GAD1: variants seen among roughly 807,000 people sequenced by gnomAD.
GAD1 encodes the protein 67 kDa glutamic acid decarboxylase.
Under a neutral mutation model 75.2 loss-of-function variants are expected in GAD1, and 35 were observed. The ratio of observed to expected loss-of-function variants is 0.47; its 90% confidence interval spans 0.36 to 0.62. The LOEUF is 0.62. Ranked by LOEUF, GAD1 falls within the 20% of genes least tolerant of loss-of-function variation. The probability of loss-of-function intolerance (pLI) is 0.00; values close to 1 mark genes in which losing one functional copy is unlikely to be tolerated. For missense variants in GAD1, 490 were observed against 758.5 expected (o/e 0.65, Z 4.16); for synonymous variants, 257 against 271.9 (o/e 0.95, Z 0.54).
upstream of GAD1, among the ~76,000 whole-genome samples, chr2:170,813,968 A>C (rs1205188664): frequency 6.6e-6 from 1 of 152,110 alleles, no homozygotes; most frequent in East Asian, 1.9e-4. Flanking sequence ...AAAGCGCTTC[A>C]AATACAATCG....
chr2:170,851,294 A>G (rs1702739468), intron 12 of GAD1, among the ~76,000 whole-genome samples: 1 of 152,198 alleles, frequency 6.6e-6, no homozygotes, highest in Non-Finnish European at 1.5e-5. Context: ...ACCTAAATAT[A>G]ATTTTTTAAT....
chr2:170,837,129 C>T (rs769411), intron 6 of GAD1, among the ~76,000 whole-genome samples: 1 of 152,102 alleles, frequency 6.6e-6, no homozygotes, highest in Non-Finnish European at 1.5e-5. Context: ...AAAATGTAGT[C>T]TTGAAATTTC....
At chr2:170,846,118 C>G in intron 10 of GAD1, 55 bp downstream of exon 10, 1 of 1,407,788 alleles carries the variant, frequency 7.1e-7, no homozygotes, top group Non-Finnish European at 1.0e-6. Context: ...TCTTTCTGTC[C>G]TAGACAAAAA....
At chr2:170,821,787 C>A (rs1363642765) in intron 2 of GAD1, 2 of 462,772 alleles carry the variant, frequency 4.3e-6, no homozygotes, top group Non-Finnish European at 4.0e-6. Flanking sequence ...CCAACTCCGA[C>A]CCCACCTCCG....
At chr2:170,828,652 CTCTG>C (rs1702119136) in intron 3 of GAD1, among the ~76,000 whole-genome samples, 1 of 111,182 alleles carries the variant, frequency 9.0e-6, no homozygotes, top group African/African-American at 2.9e-5. Flanking sequence ...ACCCTCCTCC[CTCTG>C]CTGTCCTCAC....
At chr2:170,815,123 C>G (rs1701671745), upstream of GAD1, among the ~76,000 whole-genome samples, 2 of 152,070 alleles carry the variant, frequency 1.3e-5, no homozygotes, top group African/African-American at 4.8e-5. Context: ...CTAGGAGGGC[C>G]GGTGGATGGA....
intron 6 of GAD1, among the ~76,000 whole-genome samples, chr2:170,838,053 A>G (rs1702417387): frequency 6.6e-6 from 1 of 152,252 alleles, no homozygotes; most frequent in South Asian, 2.1e-4. Flanking sequence ...AAAAGTTTCT[A>G]TTAATTAAGG....
At position 170,860,352 on chromosome 2, in the gene GAD1, T is replaced by G. The variant is rs1702939472; in HGVS notation, c.*470T>G. On this transcript the variant is annotated 3_prime_UTR_variant, in exon 17 of 17. Transcript: ENST00000358196. ...GTCAGCGTTTCTCCACCTGAAGTGA[T>G]GATGGATGAGAAAAAACACCACCAA... 1 of 167,766 alleles carries G rather than the reference T, an allele frequency of 6.0e-6. No individual in the cohort carries two copies. Among genetic ancestry groups the G allele is most frequent in the African/African-American group, 2.4e-5 (1 of 41,656 alleles). The allele number at this position is 167,766 out of a possible 1,614,324, so 10.4% of individuals were successfully genotyped here.
chr2:170,816,662 A>G (rs1301802064), upstream of GAD1: 1 of 151,684 alleles, frequency 6.6e-6, no homozygotes, highest in African/African-American at 2.4e-5. Flanking sequence ...TGGATTACTC[A>G]TAAGACCTTT....
intron 5 of GAD1, among the ~76,000 whole-genome samples, chr2:170,836,112 T>C (rs1167377034): frequency 7.4e-6 from 1 of 134,880 alleles, no homozygotes; most frequent in Non-Finnish European, 1.6e-5. Context: ...GTTGTTTTTC[T>C]TTTTTTTTTT....
At chr2:170,831,594 A>ATGTATGTG (rs1553576115) in intron 5 of GAD1, among the ~76,000 whole-genome samples, 2 of 122,804 alleles carry the variant, frequency 1.6e-5, no homozygotes, top group African/African-American at 3.1e-5. Context: ...GTCTCTACAT[A>ATGTATGTG]TGTGTGTGTG....
At chr2:170,817,226 C>T (rs1433941326) in intron 1 of GAD1, 178 bp downstream of exon 1, 1 of 26,218 alleles carries the variant, frequency 3.8e-5, no homozygotes, top group African/African-American at 1.5e-4. Flanking sequence ...TGCGCAGGGA[C>T]CCCCCCCCCC....
Position 170,846,127 on chromosome 2 carries a change from A to T in GAD1, c.1002+64A>T, listed in dbSNP as rs566046698. The T allele has an allele frequency of 2.6e-5, 34 of 1,324,856 alleles. No individual in the cohort carries two copies. The Admixed American group carries it at 2.7e-4, about 11-fold the overall frequency. The allele number at this position is 1,324,856 out of a possible 1,614,324, so 82.1% of individuals were successfully genotyped here. On this transcript the variant is annotated intron_variant, in intron 10 of 16. Coordinates refer to ENST00000358196, the MANE Select transcript of GAD1 (RefSeq NM_000817.3). ...ATACCTTCTTTCTGTCCTAGACAAA[A>T]ACAGTCCTTGATAATATGAGACAAT...
chr2:170,816,184 C>G (rs1701693871), upstream of GAD1: 1 of 152,406 alleles, frequency 6.6e-6, no homozygotes, highest in Admixed American at 6.5e-5. Flanking sequence ...GGGGCCAAAG[C>G]GAGGAGCGAG....
intron 15 of GAD1, among the ~76,000 whole-genome samples, chr2:170,858,143 ATG>A (rs1157822544): frequency 3.3e-5 from 5 of 152,330 alleles, no homozygotes; most frequent in Admixed American, 6.5e-5. Flanking sequence ...AAAACAACAA[ATG>A]TGATATCTCA....
At chr2:170,823,065 C>G (rs1392458968) in intron 3 of GAD1, among the ~76,000 whole-genome samples, 1 of 152,236 alleles carries the variant, frequency 6.6e-6, no homozygotes, top group East Asian at 1.9e-4. Context: ...GCCTCACTTT[C>G]CTGGCTACAT....
chr2:170,844,806 G>A (rs925113137), intron 7 of GAD1, among the ~76,000 whole-genome samples: 1 of 152,184 alleles, frequency 6.6e-6, no homozygotes, highest in Admixed American at 6.5e-5. Flanking sequence ...TGTGTACAAG[G>A]GGAAAAGAAG....
rs1236349619 is a variant in GAD1 at position 170,822,087 on chromosome 2, C to A, written c.83C>A (p.Thr28Lys). 1.2e-6 allele frequency: 2 copies of A among 1,608,678 alleles called. No individual in the cohort carries two copies. The highest frequency in any genetic ancestry group is 1.1e-5 in the South Asian group (1 of 89,710). ...DPNTTNLRPT[T>K]YDTWCGVAHG... Reference sequence around the variant, plus strand: ...CCTCTCTCCCTCTCTCTCGTCCTAGCGTACGATACCTGGTGCGGCGTGGCC... The same window carrying A: ...CCTCTCTCCCTCTCTCTCGTCCTAGAGTACGATACCTGGTGCGGCGTGGCC... The change falls in exon 3 of 17, where the codon ACG (threonine) becomes AAG (lysine). Residue 28 changes from threonine to lysine, a missense_variant and splice_region_variant. Thr to Lys is a moderately conservative substitution (Grantham distance 78). Coordinates refer to ENST00000358196, the MANE Select transcript of GAD1 (RefSeq NM_000817.3).
rs575793020 is a variant in GAD1 at position 170,818,874 on chromosome 2, C to G, written c.82+201C>G. The stretch of plus-strand genomic sequence containing the variant: ...AGGTGACTCCCAGGGCACCGGAAAG[C>G]GAGGACCACGCAAGGTCCGAGCAGC... On this transcript the variant is annotated intron_variant, in intron 2 of 16. Coordinates refer to ENST00000358196, the MANE Select transcript of GAD1 (RefSeq NM_000817.3). This position sits in a 1 kb window ranked among gnomAD's most constrained non-coding sequence, Gnocchi z 5.9. Among the ~76,000 whole-genome samples the G allele has an allele frequency of 2.0e-5, 3 of 152,130 alleles. No individual in the cohort carries two copies. The highest frequency in any genetic ancestry group is 3.9e-4 in the East Asian group (2 of 5,172).
Sources: gnomAD v4.1 joint callset for allele counts (sites outside exome capture counted in the v4.1 genomes callset) on GRCh38, gnomAD v4.1.1 for gene constraint, Gnocchi (gnomAD v3.1) non-coding constraint, MANE v1.5 for transcripts, NCBI Gene and HGNC (gene_info 2026-07-23, HGNC 2026-07-21) for gene names.